Variants in KHDRBS2 observed in about 807,000 individuals in gnomAD.
The protein encoded by KHDRBS2 is KH RNA binding domain containing, signal transduction associated 2, also known as KH domain-containing, RNA-binding, signal transduction-associated protein 2.
A neutral mutation model predicts 44.3 loss-of-function variants in KHDRBS2; 26 were observed. The ratio of observed to expected loss-of-function variants is 0.59; its 90% confidence interval spans 0.43 to 0.81. KHDRBS2 has a LOEUF of 0.81. KHDRBS2 is among the 40% of genes least tolerant of loss of function. The pLI is 0.00. For missense variants in KHDRBS2, 476 were observed against 433.1 expected, an observed-to-expected ratio of 1.10 and a Z score of -0.88; for synonymous variants, 194 against 151.1, an observed-to-expected ratio of 1.28 and a Z score of -2.08.
At chr6:61,832,494 C>A (rs1234802881) in intron 6 of KHDRBS2, among the ~76,000 whole-genome samples, 1 of 152,052 alleles carries the variant, frequency 6.6e-6, no homozygotes, top group East Asian at 1.9e-4. Flanking sequence ...TTGAATTCAG[C>A]TGCCATTTCT....
At chr6:61,909,585 CCT>C (rs1247199453) in intron 4 of KHDRBS2, among the ~76,000 whole-genome samples, 1 of 152,046 alleles carries the variant, frequency 6.6e-6, no homozygotes, top group African/African-American at 2.4e-5. Context: ...CTCCTTTTTG[CCT>C]CTCTGACAAG....
chr6:62,279,750 A>G (rs1216292238), intron 1 of KHDRBS2, among the ~76,000 whole-genome samples: 5 of 152,220 alleles, frequency 3.3e-5, no homozygotes, highest in African/African-American at 9.6e-5. Flanking sequence ...AGGGCATTCT[A>G]AAGTGAGGTC....
chr6:61,723,817 A>T lies in KHDRBS2; in HGVS notation c.893+8865T>A, dbSNP rs111801843. On this transcript the variant is annotated intron_variant, in intron 7 of 8. Coordinates refer to ENST00000281156, the MANE Select transcript of KHDRBS2 (RefSeq NM_152688.4). ...GAACAATACCTCTGATTAATATGGG[A>T]TTATTTAAAGAGAGCAGACCTATGA... 5.6e-4 allele frequency among the ~76,000 whole-genome samples: 85 copies of T among 152,304 alleles called. 1 individual carries two copies. Among genetic ancestry groups the T allele is most frequent in the African/African-American group, 1.9e-3 (79 of 41,572 alleles).
chr6:61,597,430 G>A, the KHDRBS2 span, among the ~76,000 whole-genome samples: 1 of 151,936 alleles, frequency 6.6e-6, no homozygotes, highest in Non-Finnish European at 1.5e-5. Context: ...AGGGACCCAA[G>A]AAATGGCCAG....
the KHDRBS2 span, among the ~76,000 whole-genome samples, chr6:61,638,927 A>C: frequency 0.81 from 123,067 of 151,918 alleles, 50,260 homozygotes; most frequent in Non-Finnish European, 0.87. Context: ...AACAACTAAT[A>C]CTTGCTTTAT....
the KHDRBS2 span, among the ~76,000 whole-genome samples, chr6:61,616,892 T>C: frequency 6.6e-6 from 1 of 152,208 alleles, no homozygotes; most frequent in Non-Finnish European, 1.5e-5. Context: ...TCATTTGGAA[T>C]ATTATATTTG....
the KHDRBS2 span, among the ~76,000 whole-genome samples, chr6:61,598,552 C>G: frequency 6.6e-6 from 1 of 152,084 alleles, no homozygotes; most frequent in Non-Finnish European, 1.5e-5. Context: ...GACAGGAGAT[C>G]AAAAACTTTT....
At chr6:61,712,154 G>T (rs1041601086) in intron 7 of KHDRBS2, among the ~76,000 whole-genome samples, 7 of 151,722 alleles carry the variant, frequency 4.6e-5, no homozygotes, top group African/African-American at 1.7e-4. Flanking sequence ...TAAGACCTAG[G>T]TTACCTAGAG....
At chr6:61,563,019 A>G in the KHDRBS2 span, among the ~76,000 whole-genome samples, 2 of 152,240 alleles carry the variant, frequency 1.3e-5, no homozygotes, top group East Asian at 3.9e-4. Context: ...TGCTTATTCA[A>G]TAATAAGAGT....
At chr6:61,627,355 G>C in the KHDRBS2 span, among the ~76,000 whole-genome samples, 3 of 151,782 alleles carry the variant, frequency 2.0e-5, no homozygotes, top group South Asian at 6.2e-4. Flanking sequence ...CGTGATAGGA[G>C]TGTTTGTTAT....
the KHDRBS2 span, among the ~76,000 whole-genome samples, chr6:61,662,099 C>A: frequency 2.0e-5 from 3 of 152,030 alleles, no homozygotes; most frequent in African/African-American, 4.8e-5. Flanking sequence ...TGCTGCATAT[C>A]TACAACTATC....
intron 1 of KHDRBS2, among the ~76,000 whole-genome samples, chr6:62,281,689 TTTTG>T (rs1198212047): frequency 6.6e-6 from 1 of 152,120 alleles, no homozygotes; most frequent in Middle Eastern, 3.2e-3. Context: ...AGAAGTTGTT[TTTTG>T]TTTGTTTGTT....
intron 4 of KHDRBS2, among the ~76,000 whole-genome samples, chr6:61,922,621 T>G (rs563603945): frequency 6.6e-6 from 1 of 152,110 alleles, no homozygotes; most frequent in East Asian, 1.9e-4. Context: ...GAGGACCAAC[T>G]AGACTAGAAA....
intron 6 of KHDRBS2, among the ~76,000 whole-genome samples, chr6:61,808,155 G>T (rs940543874): frequency 2.6e-5 from 4 of 152,040 alleles, no homozygotes; most frequent in African/African-American, 7.2e-5. Context: ...ATAAAGTCAA[G>T]TAATATGTGG....
At chr6:61,860,037 A>G (rs1221765527) in intron 6 of KHDRBS2, among the ~76,000 whole-genome samples, 1 of 152,044 alleles carries the variant, frequency 6.6e-6, no homozygotes, top group Non-Finnish European at 1.5e-5. Flanking sequence ...GAATAAAATT[A>G]GATGGATTGA....
chr6:61,562,066 C>T, the KHDRBS2 span, among the ~76,000 whole-genome samples: 3 of 152,142 alleles, frequency 2.0e-5, no homozygotes, highest in Middle Eastern at 3.2e-3. Flanking sequence ...ACACTGTTTA[C>T]CTCATAATGA....
the KHDRBS2 span, among the ~76,000 whole-genome samples, chr6:61,547,629 A>G: frequency 2.4e-4 from 36 of 152,104 alleles, no homozygotes; most frequent in African/African-American, 8.0e-4. Context: ...CCTGGTTTGC[A>G]TCACTTCGAG....
intron 2 of KHDRBS2, among the ~76,000 whole-genome samples, chr6:62,105,442 C>A (rs1802970124): frequency 6.6e-6 from 1 of 152,116 alleles, no homozygotes; most frequent in South Asian, 2.1e-4. Context: ...TTGATTATTG[C>A]CACAATTTCA....
chr6:61,996,409 C>T (rs1190945839), intron 3 of KHDRBS2, among the ~76,000 whole-genome samples: 2 of 152,136 alleles, frequency 1.3e-5, no homozygotes, highest in Non-Finnish European at 2.9e-5. Context: ...TCTCTCTATC[C>T]AATTTAGTTA....
Sources: allele counts gnomAD v4.1 joint callset (sites outside exome capture counted in the v4.1 genomes callset), GRCh38; gene constraint gnomAD v4.1.1; transcripts MANE v1.5; gene names NCBI Gene and HGNC (gene_info 2026-07-23, HGNC 2026-07-21).